MCPH1: variants seen among roughly 807,000 people sequenced by gnomAD.
MCPH1 encodes microcephalin 1.
MCPH1 carries 104 observed loss-of-function variants against 84.5 expected under a neutral mutation model. The ratio of observed to expected loss-of-function variants is 1.23; its 90% CI spans 1.05 to 1.45. The LOEUF (loss-of-function observed/expected upper bound fraction) is 1.45, where lower values mean the gene tolerates loss of function less well. MCPH1 is among the 40% of genes most tolerant of loss of function. The pLI, the probability that MCPH1 is intolerant of heterozygous loss-of-function variation, is 0.00. For missense variants in MCPH1, 1,498 were observed against 1,005.7 expected, an observed-to-expected ratio of 1.49 and a Z score of -6.62; for synonymous variants, 514 against 366.8, an observed-to-expected ratio of 1.40 and a Z score of -4.58.
chr8:6,470,505 G>T (rs1299992498), intron 9 of MCPH1, among the ~76,000 whole-genome samples: 1 of 152,090 alleles, frequency 6.6e-6, no homozygotes, highest in African/African-American at 2.4e-5. Flanking sequence ...GGCTAGTCTC[G>T]AACTCCTGAC....
intron 2 of MCPH1, among the ~76,000 whole-genome samples, chr8:6,411,634 G>A (rs1798554940): frequency 6.6e-6 from 1 of 152,192 alleles, no homozygotes; most frequent in South Asian, 2.1e-4. Flanking sequence ...ACACCAAACT[G>A]CAACAGTTAC....
At chr8:6,642,424 T>C (rs1246883595) in intron 13 of MCPH1, among the ~76,000 whole-genome samples, 3 of 152,176 alleles carry the variant, frequency 2.0e-5, no homozygotes, top group Non-Finnish European at 4.4e-5. Flanking sequence ...TTTCATAAAA[T>C]AGTCGAGTTT....
intron 9 of MCPH1, among the ~76,000 whole-genome samples, chr8:6,457,002 C>T (rs1249790635): frequency 1.3e-5 from 2 of 151,982 alleles, no homozygotes; most frequent in Non-Finnish European, 2.9e-5. Context: ...AGTAAGTGCT[C>T]CATAAATATA....
At chr8:6,613,120 G>A (rs923589544) in intron 12 of MCPH1, among the ~76,000 whole-genome samples, 1 of 152,180 alleles carries the variant, frequency 6.6e-6, no homozygotes, top group African/African-American at 2.4e-5. Flanking sequence ...TCTGAGGAAG[G>A]CAGGCCTGCA....
At chr8:6,623,359 T>C (rs1003553811) in intron 13 of MCPH1, among the ~76,000 whole-genome samples, 1 of 151,360 alleles carries the variant, frequency 6.6e-6, no homozygotes, top group African/African-American at 2.5e-5. Flanking sequence ...TCTCAATCTC[T>C]CTCTCTCTCT....
At chr8:6,518,038 C>G (rs1019106697) in intron 12 of MCPH1, among the ~76,000 whole-genome samples, 2 of 151,878 alleles carry the variant, frequency 1.3e-5, no homozygotes, top group Admixed American at 1.3e-4. Context: ...TCCCAGAGTA[C>G]TATATATTTT....
At position 6,643,132 on chromosome 8, in the gene MCPH1, G is replaced by A. The variant is rs1798043910; in HGVS notation, c.*83G>A. ...TTCAAATGAGAAACAAAACTGTGAAGAGAAGGAACTGGCGTATACAAGATG... is the reference window on the plus strand; with the variant it reads ...TTCAAATGAGAAACAAAACTGTGAAAAGAAGGAACTGGCGTATACAAGATG... On this transcript the variant is annotated 3_prime_UTR_variant, in exon 14 of 14. Coordinates refer to ENST00000344683, the MANE Select transcript of MCPH1 (RefSeq NM_024596.5). 1 of 1,208,468 alleles carries A rather than the reference G, an allele frequency of 8.3e-7. No individual in the cohort carries two copies. The highest frequency in any genetic ancestry group is 2.3e-5 in the East Asian group (1 of 42,856). 74.9% of individuals were successfully genotyped at this position (1,208,468 alleles called of 1,614,324 possible).
intron 3 of MCPH1, among the ~76,000 whole-genome samples, chr8:6,422,118 G>A (rs980421790): frequency 3.3e-5 from 5 of 152,124 alleles, no homozygotes; most frequent in Admixed American, 6.6e-5. Flanking sequence ...TGCTTTATCT[G>A]TCTGTGTATC....
At chr8:6,482,394 G>T (rs759955091) in intron 11 of MCPH1, among the ~76,000 whole-genome samples, 3 of 152,128 alleles carry the variant, frequency 2.0e-5, no homozygotes, top group Admixed American at 6.5e-5. Context: ...CATCCCCCAG[G>T]GGGCCACGGA....
At chr8:6,610,378 T>C (rs1040312974) in intron 12 of MCPH1, among the ~76,000 whole-genome samples, 1 of 152,266 alleles carries the variant, frequency 6.6e-6, no homozygotes, top group African/African-American at 2.4e-5. Context: ...TGTTGTTGGC[T>C]ACTGATTAGA....
chr8:6,559,985 C>T (rs1171950692), intron 12 of MCPH1, among the ~76,000 whole-genome samples: 1 of 152,186 alleles, frequency 6.6e-6, no homozygotes, highest in East Asian at 1.9e-4. Flanking sequence ...AAAGGGGCAG[C>T]GTGGGACCTT....
intron 12 of MCPH1, among the ~76,000 whole-genome samples, chr8:6,549,850 G>A (rs1329844028): frequency 6.6e-6 from 1 of 152,190 alleles, no homozygotes. Context: ...CAAGATTTGT[G>A]AATTTTATTC....
At chr8:6,583,039 A>G (rs1190396650) in intron 12 of MCPH1, among the ~76,000 whole-genome samples, 1 of 152,178 alleles carries the variant, frequency 6.6e-6, no homozygotes, top group African/African-American at 2.4e-5. Context: ...AAATCGAGTT[A>G]CATGTGGTCC....
At chr8:6,448,433 C>G (rs2916748) in intron 8 of MCPH1, among the ~76,000 whole-genome samples, 5,720 of 152,270 alleles carry the variant, frequency 0.038, 320 homozygotes, top group African/African-American at 0.12. Context: ...GACCTTCAGT[C>G]TCTGACAAGG....
chr8:6,523,357 T>C (rs3020223), intron 12 of MCPH1, among the ~76,000 whole-genome samples: 11,425 of 152,230 alleles, frequency 0.075, 516 homozygotes, highest in African/African-American at 0.12. Context: ...AGTCCTAAGA[T>C]ACTTTATTAA....
intron 12 of MCPH1, among the ~76,000 whole-genome samples, chr8:6,565,233 AG>A (rs1174966498): frequency 2.0e-5 from 3 of 152,200 alleles, no homozygotes; most frequent in Non-Finnish European, 4.4e-5. Flanking sequence ...TTGTATGTTT[AG>A]AAATATTTGT....
intron 12 of MCPH1, among the ~76,000 whole-genome samples, chr8:6,530,653 C>G (rs1819317117): frequency 6.6e-6 from 1 of 151,728 alleles, no homozygotes; most frequent in Non-Finnish European, 1.5e-5. Context: ...TTTTTAGTAC[C>G]TTATGATCCG....
intron 12 of MCPH1, among the ~76,000 whole-genome samples, chr8:6,612,640 C>T (rs1405366460): frequency 6.6e-6 from 1 of 152,238 alleles, no homozygotes; most frequent in Non-Finnish European, 1.5e-5. Context: ...GCCCAGCTGG[C>T]TGGCCTGCCT....
At chr8:6,543,983 A>G (rs1264825029) in intron 12 of MCPH1, among the ~76,000 whole-genome samples, 1 of 152,218 alleles carries the variant, frequency 6.6e-6, no homozygotes, top group African/African-American at 2.4e-5. Flanking sequence ...ATATATTTTA[A>G]GCATTTTAAC....
Sources: allele counts gnomAD v4.1 joint callset (sites outside exome capture counted in the v4.1 genomes callset), GRCh38; gene constraint gnomAD v4.1.1; transcripts MANE v1.5; gene names NCBI Gene and HGNC (gene_info 2026-07-23, HGNC 2026-07-21).